KIAA0319L: variants seen among roughly 807,000 people sequenced by gnomAD.
KIAA0319L encodes the protein KIAA0319 like.
In KIAA0319L, 55 loss-of-function variants were observed where a neutral mutation model predicts 120.1. The ratio of observed to expected loss-of-function variants is 0.46; its 90% CI spans 0.37 to 0.57. The LOEUF is 0.57. Ranked by LOEUF, KIAA0319L falls within the 20% of genes least tolerant of loss-of-function variation. The pLI is 0.00. For missense variants in KIAA0319L, 1,049 were observed against 1,255.3 expected (o/e 0.84, Z 2.48); for synonymous variants, 398 against 471.9 (o/e 0.84, Z 2.03).
At chr1:35,543,818 ATAAT>A (rs1004544599) in intron 2 of KIAA0319L, among the ~76,000 whole-genome samples, 1 of 152,218 alleles carries the variant, frequency 6.6e-6, no homozygotes, top group Non-Finnish European at 1.5e-5. Flanking sequence ...GTTGAGGGTG[ATAAT>A]TAATCTCTCC....
chr1:35,537,223 G>A (rs1194989869), intron 2 of KIAA0319L, among the ~76,000 whole-genome samples: 2 of 152,118 alleles, frequency 1.3e-5, no homozygotes, highest in African/African-American at 4.8e-5. Context: ...AGATGGTATT[G>A]TTAAGAATCT....
intron 2 of KIAA0319L, among the ~76,000 whole-genome samples, chr1:35,553,972 G>A (rs1647554821): frequency 6.6e-6 from 1 of 152,218 alleles, no homozygotes; most frequent in Non-Finnish European, 1.5e-5. Flanking sequence ...CACCCATGCT[G>A]AGTGCTGTGC....
chr1:35,444,193 A>G lies in KIAA0319L; in HGVS notation c.2624T>C (p.Leu875Ser). Reference sequence around the variant, plus strand: ...GTTGACTTCCAAGGCTCTGAATATCAAAAAGTCTGCCTTTTGCTTCCGCAG... The same window carrying G: ...GTTGACTTCCAAGGCTCTGAATATCGAAAAGTCTGCCTTTTGCTTCCGCAG... ...SELRKQKADF[L>S]IFRALEVNTV... The change falls in exon 17 of 21, where the codon TTG (leucine) becomes TCG (serine). Residue 875 changes from leucine (L) to serine (S), a missense_variant. Physicochemically the swap from Leu to Ser is moderately radical, Grantham distance 145. Transcript: ENST00000325722. 6.2e-7 allele frequency: 1 copy of G among 1,607,332 alleles called. No homozygotes were observed. Among genetic ancestry groups the G allele is most frequent in the South Asian group, 1.1e-5 (1 of 89,618 alleles).
intron 3 of KIAA0319L, among the ~76,000 whole-genome samples, chr1:35,503,272 T>A (rs1645075116): frequency 6.6e-6 from 1 of 152,190 alleles, no homozygotes; most frequent in Non-Finnish European, 1.5e-5. Flanking sequence ...TCCTACCCAA[T>A]CCTTTCTCTC....
At chr1:35,483,670 T>C (rs1270726154) in intron 3 of KIAA0319L, among the ~76,000 whole-genome samples, 1 of 152,220 alleles carries the variant, frequency 6.6e-6, no homozygotes, top group Non-Finnish European at 1.5e-5. Context: ...TCCAACTCTA[T>C]TGTTCTTTTT....
At chr1:35,459,999 G>A (rs2149105017) in intron 9 of KIAA0319L, among the ~76,000 whole-genome samples, 1 of 152,340 alleles carries the variant, frequency 6.6e-6, no homozygotes, top group East Asian at 1.9e-4. Flanking sequence ...GGCAAAGGAA[G>A]ATGGGCCTTT....
At chr1:35,509,370 T>C (rs1368111492) in intron 2 of KIAA0319L, among the ~76,000 whole-genome samples, 1 of 152,180 alleles carries the variant, frequency 6.6e-6, no homozygotes, top group Non-Finnish European at 1.5e-5. Flanking sequence ...TATATAAAAA[T>C]GTGTGGGATA....
chr1:35,445,467 C>T (rs1054137153), intron 16 of KIAA0319L, among the ~76,000 whole-genome samples: 1 of 152,168 alleles, frequency 6.6e-6, no homozygotes, highest in African/African-American at 2.4e-5. Flanking sequence ...CCTGAGTGAC[C>T]AGTCTATATC....
In KIAA0319L at chr1:35,507,003, T is replaced by C. The variant is rs1366643744; in HGVS notation, c.275A>G (p.Asp92Gly). 6.2e-7 allele frequency: 1 copy of C among 1,612,704 alleles called. No homozygotes were observed. Among genetic ancestry groups the C allele is most frequent in the Non-Finnish European group, 8.5e-7 (1 of 1,179,542 alleles). The change falls in exon 3 of 21, where the codon GAC becomes GGC. Residue 92 changes from aspartate to glycine, a missense_variant. Physicochemically the swap from Asp to Gly is moderately conservative, Grantham distance 94. Transcript: ENST00000325722. ...LQSCWAACCQ[D>G]SACHVFWWLE... ...CCACCAAAAGACATGGCAGGCAGAG[T>C]CCTGGCAGCAGGCAGCCCAACATGA...
intron 3 of KIAA0319L, among the ~76,000 whole-genome samples, chr1:35,485,869 G>A (rs1196452433): frequency 6.6e-6 from 1 of 152,010 alleles, no homozygotes; most frequent in African/African-American, 2.4e-5. Context: ...TGGAACTCCC[G>A]AGGCTCAAGC....
At chr1:35,524,326 T>C (rs1406185746) in intron 2 of KIAA0319L, among the ~76,000 whole-genome samples, 1 of 152,202 alleles carries the variant, frequency 6.6e-6, no homozygotes, top group East Asian at 1.9e-4. Context: ...TGCCTTCTTT[T>C]GTGTCCATGG....
chr1:35,488,094 T>G (rs1644455829), intron 3 of KIAA0319L, among the ~76,000 whole-genome samples: 3 of 152,242 alleles, frequency 2.0e-5, no homozygotes, highest in South Asian at 4.1e-4. Context: ...AGTTGTTGAA[T>G]GCCCTCAGGA....
intron 3 of KIAA0319L, among the ~76,000 whole-genome samples, chr1:35,503,391 T>C (rs1167926295): frequency 3.3e-5 from 5 of 152,208 alleles, no homozygotes. Context: ...GGCAGCAGCA[T>C]TGGCACACTC....
At chr1:35,518,180 G>A (rs1169888522) in intron 2 of KIAA0319L, among the ~76,000 whole-genome samples, 1 of 152,082 alleles carries the variant, frequency 6.6e-6, no homozygotes, top group Non-Finnish European at 1.5e-5. Flanking sequence ...AGAGCTAAAA[G>A]CAGAACTACC....
intron 19 of KIAA0319L, 109 bp downstream of exon 19, chr1:35,442,137 G>A: frequency 1.2e-6 from 1 of 830,406 alleles, no homozygotes; most frequent in Non-Finnish European, 2.1e-6. Flanking sequence ...CTCTAATGCT[G>A]ACTAAGGACC....
At chr1:35,443,073 G>C (rs763491469) in intron 17 of KIAA0319L, 45 bp from the exon 18 acceptor site, 1 of 1,612,974 alleles carries the variant, frequency 6.2e-7, no homozygotes, top group Non-Finnish European at 8.5e-7. Flanking sequence ...GACTCAGCCA[G>C]GGGTGACAAG....
chr1:35,450,561 T>C, intron 13 of KIAA0319L, 52 bp from the exon 14 acceptor site: 5 of 1,513,080 alleles, frequency 3.3e-6, no homozygotes, highest in Non-Finnish European at 4.6e-6. Context: ...AAAGAAGAAA[T>C]GTTTCTTCAT....
chr1:35,488,394 A>G (rs995683021), intron 3 of KIAA0319L, among the ~76,000 whole-genome samples: 1 of 152,208 alleles, frequency 6.6e-6, no homozygotes, highest in Non-Finnish European at 1.5e-5. Context: ...GATGACACCC[A>G]TGTTTCTAGC....
In KIAA0319L at chr1:35,450,022, C is replaced by T. The variant is rs1009848030; in HGVS notation, c.2215-17G>A. 7 of 1,613,810 alleles carry T rather than the reference C, an allele frequency of 4.3e-6. No homozygotes were observed. The highest frequency in any genetic ancestry group is 4.2e-6 in the Non-Finnish European group (5 of 1,179,840). On this transcript the variant is annotated splice_polypyrimidine_tract_variant and intron_variant, in intron 14 of 20. Coordinates refer to ENST00000325722, the MANE Select transcript of KIAA0319L (RefSeq NM_024874.5). ...TAACACCTCCTGTAGGGTTGAACAA[C>T]ATGGCTATGTTACAGAACAAAATGC...
Sources: allele counts gnomAD v4.1 joint callset (sites outside exome capture counted in the v4.1 genomes callset), GRCh38; gene constraint gnomAD v4.1.1; transcripts MANE v1.5; gene names NCBI Gene and HGNC (gene_info 2026-07-23, HGNC 2026-07-21).